Variants in SIDT1 observed in about 807,000 individuals in gnomAD.
SIDT1 encodes SID1 transmembrane family, member 1.
Under a neutral mutation model 107.5 loss-of-function variants are expected in SIDT1, and 101 were observed. The observed-to-expected ratio is 0.94, with a 90% CI of 0.80 to 1.11. The LOEUF is 1.11. SIDT1 is among the 50% of genes least tolerant of loss of function. The pLI is 0.00. For synonymous variants in SIDT1, 395 were observed against 398.2 expected (o/e 0.99, Z 0.10); for missense variants, 1,076 against 1,058.2 (o/e 1.02, Z -0.23).
rs1946819098 is a variant in SIDT1, at chr3:113,625,943, G to A, written c.2308-159G>A. ...TTGCTTTGGTTGCCTGTGCTTTTGA[G>A]GTCTTTGTGTACAGGTTTTTGTGTG... On this transcript the variant is annotated intron_variant, in intron 23 of 24. Transcript: ENST00000264852. 9 of 609,240 alleles carry A rather than the reference G, an allele frequency of 1.5e-5. No homozygotes were observed. The East Asian group carries it at 2.5e-4, about 17-fold the overall frequency. The allele number at this position is 609,240 out of a possible 1,614,324, so 37.7% of individuals were successfully genotyped here. A position where few individuals can be genotyped will look rare whatever the true frequency, so the allele number is the denominator to read the frequency against.
intron 8 of SIDT1, 105 bp downstream of exon 8, chr3:113,584,874 A>T: frequency 1.2e-6 from 1 of 850,560 alleles, no homozygotes; most frequent in Non-Finnish European, 1.9e-6. Flanking sequence ...TCATAAGAAA[A>T]CTAAAGTATA....
intron 1 of SIDT1, among the ~76,000 whole-genome samples, chr3:113,549,276 A>T (rs1167204383): frequency 6.6e-6 from 1 of 152,188 alleles, no homozygotes; most frequent in Non-Finnish European, 1.5e-5. Flanking sequence ...ACCTAGGTGG[A>T]TGATTGCTGG....
chr3:113,617,956 G>A (rs1050703443), intron 20 of SIDT1, among the ~76,000 whole-genome samples: 7 of 152,188 alleles, frequency 4.6e-5, no homozygotes, highest in Admixed American at 2.0e-4. Flanking sequence ...TAAAGTTTAC[G>A]TTACATTAAT....
intron 18 of SIDT1, 150 bp from the exon 19 acceptor site, chr3:113,611,936 A>G (rs1945778662): frequency 8.9e-6 from 5 of 562,240 alleles, no homozygotes; most frequent in Non-Finnish European, 3.1e-6. Flanking sequence ...GTCCCTTGGG[A>G]GTAAGATCCA....
At chr3:113,572,472 C>T (rs1942546112) in intron 3 of SIDT1, among the ~76,000 whole-genome samples, 1 of 152,122 alleles carries the variant, frequency 6.6e-6, no homozygotes, top group South Asian at 2.1e-4. Flanking sequence ...AGTAGAACTT[C>T]GTCTTTCAGA....
In SIDT1 at chr3:113,608,462, G is replaced by A. The variant is rs1945500361; in HGVS notation, c.1646G>A (p.Gly549Asp). Residue 549 changes from glycine to aspartate, a missense_variant, in exon 17 of 25, where the codon GGC (glycine) becomes GAC (aspartate). Gly to Asp is a moderately conservative substitution (Grantham distance 94). Transcript: ENST00000264852. Reference sequence around the variant, plus strand: ...CACTTTGGTCTCTTCTACGCTATGGGCATTGCATTGATGATGGAAGGGGTG... The same window carrying A: ...CACTTTGGTCTCTTCTACGCTATGGACATTGCATTGATGATGGAAGGGGTG... ...PKHFGLFYAM[G>D]IALMMEGVLS... The A allele has an allele frequency of 6.2e-6, 10 of 1,613,960 alleles. No individual in the cohort carries two copies. In the Admixed American group the frequency reaches 1.2e-4, roughly 19 times the overall value.
intron 11 of SIDT1, 27 bp downstream of exon 11, chr3:113,601,686 A>C (rs1944970907): frequency 6.5e-7 from 1 of 1,542,320 alleles, no homozygotes. Context: ...CTGTTCATGA[A>C]AGTGTTTCCT....
intron 1 of SIDT1, among the ~76,000 whole-genome samples, chr3:113,565,758 T>C (rs1321183515): frequency 6.6e-6 from 1 of 152,136 alleles, no homozygotes; most frequent in African/African-American, 2.4e-5. Flanking sequence ...GTGATGTCTG[T>C]TCTGGGGAAG....
At chr3:113,543,059 G>A (rs1309111728) in intron 1 of SIDT1, among the ~76,000 whole-genome samples, 1 of 151,874 alleles carries the variant, frequency 6.6e-6, no homozygotes, top group African/African-American at 2.4e-5. Context: ...TCCTGCCTCT[G>A]CCTCCCAAAT....
intron 1 of SIDT1, among the ~76,000 whole-genome samples, chr3:113,552,844 C>A (rs952559486): frequency 6.6e-6 from 1 of 152,186 alleles, no homozygotes; most frequent in African/African-American, 2.4e-5. Flanking sequence ...CCATGGGCAG[C>A]CTTGCTTCCC....
At chr3:113,602,626 C>T (rs1477576064) in intron 11 of SIDT1, 1 of 156,138 alleles carries the variant, frequency 6.4e-6, no homozygotes, top group Admixed American at 6.4e-5. Context: ...TGGGCTCACA[C>T]ATATATGCAA....
chr3:113,572,536 T>G (rs1028776339), intron 3 of SIDT1, among the ~76,000 whole-genome samples: 1 of 152,178 alleles, frequency 6.6e-6, no homozygotes, highest in Non-Finnish European at 1.5e-5. Flanking sequence ...AGAGATCTGA[T>G]TTCTAGAGAT....
chr3:113,581,665 G>T, intron 6 of SIDT1: 1 of 491,024 alleles, frequency 2.0e-6, no homozygotes, highest in Non-Finnish European at 3.7e-6. Flanking sequence ...CTAAAGTCAG[G>T]AGTTTGAGAC....
At position 113,623,622 on chromosome 3, in the gene SIDT1, G is replaced by A; in HGVS notation, c.2197-1G>A. The A allele has an allele frequency of 6.2e-7, 1 of 1,612,718 alleles. No individual in the cohort carries two copies. Among genetic ancestry groups the A allele is most frequent in the Non-Finnish European group, 8.5e-7 (1 of 1,178,828 alleles). ...GGCCGCATCTGCTTCTCCTCCCACA[G>A]CTCCGCAGCTCTGAAAAGGTCCTCC... On this transcript the variant is annotated splice_acceptor_variant, in intron 22 of 24. Coordinates refer to ENST00000264852, the MANE Select transcript of SIDT1 (RefSeq NM_017699.3). LOFTEE classifies it high-confidence loss of function.
Position 113,584,759 on chromosome 3 carries a change from T to C in SIDT1, c.897T>C (p.Pro299=), listed in dbSNP as rs774752114. ...AGAACCTTGAAGTGACCATTGTCCC[T>C]TCCATTAAAGGTCAGTGTTGGCTCC... ...RKKNLEVTIV[P]SIKESVYVKS... is the part of the protein sequence containing the mutation. Residue 299 remains proline, a synonymous_variant, in exon 8 of 25, where the codon CCT becomes CCC. Transcript: ENST00000264852. 1 of 1,592,504 alleles carries C rather than the reference T, an allele frequency of 6.3e-7. No individual in the cohort carries two copies. Among genetic ancestry groups the C allele is most frequent in the Non-Finnish European group, 8.5e-7 (1 of 1,173,614 alleles).
At chr3:113,631,733 A>G (rs1203782130), downstream of SIDT1, among the ~76,000 whole-genome samples, 1 of 152,188 alleles carries the variant, frequency 6.6e-6, no homozygotes, top group Admixed American at 6.5e-5. Flanking sequence ...TCTCCTCTGT[A>G]GAAAGAGACC....
intron 1 of SIDT1, among the ~76,000 whole-genome samples, chr3:113,540,576 T>G (rs185039861): frequency 6.6e-6 from 1 of 152,208 alleles, no homozygotes; most frequent in Non-Finnish European, 1.5e-5. Flanking sequence ...GTCAACTTGT[T>G]AGGCTCATTG....
intron 1 of SIDT1, among the ~76,000 whole-genome samples, 164 bp from the exon 2 acceptor site, chr3:113,566,256 A>T (rs564140087): frequency 6.6e-6 from 1 of 152,154 alleles, no homozygotes; most frequent in Non-Finnish European, 1.5e-5. Flanking sequence ...CATTTGGATT[A>T]CCTATCATGA....
intron 11 of SIDT1, among the ~76,000 whole-genome samples, chr3:113,602,243 AT>A (rs1386370018): frequency 6.6e-6 from 1 of 152,140 alleles, no homozygotes; most frequent in East Asian, 1.9e-4. Flanking sequence ...GCCCTTCCAT[AT>A]TGCTTGTGGA....
Sources: gnomAD v4.1 joint callset for allele counts (sites outside exome capture counted in the v4.1 genomes callset) on GRCh38, gnomAD v4.1.1 for gene constraint, MANE v1.5 for transcripts, NCBI Gene and HGNC (gene_info 2026-07-23, HGNC 2026-07-21) for gene names.